Variants in DCLK1 observed in about 807,000 individuals in gnomAD.
DCLK1 encodes the protein doublecortin like kinase 1.
Under a neutral mutation model 86.2 loss-of-function variants are expected in DCLK1, and 16 were observed. That is an observed-to-expected ratio of 0.19 (90% confidence interval 0.13 to 0.28). The LOEUF is 0.28. Among genes scored for constraint, DCLK1 ranks in the 10% least tolerant of loss-of-function variants. The pLI, the probability that DCLK1 is intolerant of heterozygous loss-of-function variation, is 1.00. For missense variants in DCLK1, 590 were observed against 940.2 expected (o/e 0.63, Z 4.87); for synonymous variants, 369 against 370.5 (o/e 1.00, Z 0.05).
chr13:35,961,430 G>T (rs1878455568), intron 3 of DCLK1, among the ~76,000 whole-genome samples: 2 of 152,062 alleles, frequency 1.3e-5, no homozygotes, highest in South Asian at 4.2e-4. Context: ...AATTATTCTG[G>T]TCTAACAGCT....
intron 6 of DCLK1, chr13:35,849,043 C>T: frequency 1.0e-6 from 1 of 985,306 alleles, no homozygotes; most frequent in Middle Eastern, 5.2e-4. Flanking sequence ...CAGTTTGCAG[C>T]TCTTGAATAA....
intron 16 of DCLK1, among the ~76,000 whole-genome samples, chr13:35,789,829 T>C (rs2086681703): frequency 6.6e-6 from 1 of 152,202 alleles, no homozygotes; most frequent in Non-Finnish European, 1.5e-5. Flanking sequence ...TCATCTCTAA[T>C]TCATTTCATG....
chr13:36,011,470 T>C, intron 3 of DCLK1, among the ~76,000 whole-genome samples: 1 of 128,504 alleles, frequency 7.8e-6, no homozygotes, highest in East Asian at 2.3e-4. Context: ...ATTTCTGCCT[T>C]CATTTCGTTA....
intron 3 of DCLK1, among the ~76,000 whole-genome samples, chr13:35,960,756 C>CA (rs1012276670): frequency 7.3e-5 from 11 of 150,618 alleles, no homozygotes; most frequent in African/African-American, 9.7e-5. Context: ...CATGCCTGGC[C>CA]AAAAAAAAAT....
intron 4 of DCLK1, among the ~76,000 whole-genome samples, chr13:35,892,813 A>C (rs921961035): frequency 4.6e-5 from 7 of 151,588 alleles, no homozygotes; most frequent in African/African-American, 1.5e-4. Context: ...CCTGTTAAAC[A>C]CCTCTGGATC....
intron 4 of DCLK1, among the ~76,000 whole-genome samples, chr13:35,920,983 C>T (rs578186260): frequency 2.5e-4 from 38 of 152,276 alleles, no homozygotes; most frequent in African/African-American, 7.2e-4. Context: ...CTGCCCCCCA[C>T]GGCCAACAGC....
At chr13:35,808,890 A>G in intron 13 of DCLK1, 128 bp downstream of exon 13, 3 of 609,324 alleles carry the variant, frequency 4.9e-6, no homozygotes, top group East Asian at 3.0e-5. Flanking sequence ...AAAAAATAAC[A>G]GGGATTGCAA....
intron 3 of DCLK1, among the ~76,000 whole-genome samples, chr13:36,043,533 A>T (rs961676048): frequency 2.6e-4 from 39 of 152,158 alleles, no homozygotes; most frequent in African/African-American, 9.4e-4. Flanking sequence ...TAAAGATTTA[A>T]AGTGCCTAAA....
chr13:35,786,537 G>C (rs2086625556), intron 16 of DCLK1, among the ~76,000 whole-genome samples: 1 of 152,164 alleles, frequency 6.6e-6, no homozygotes, highest in South Asian at 2.1e-4. Context: ...GGGAGCCCCT[G>C]GGGTGCTAGG....
chr13:35,972,031 A>G (rs909975206), intron 3 of DCLK1, among the ~76,000 whole-genome samples: 3 of 152,088 alleles, frequency 2.0e-5, no homozygotes, highest in East Asian at 1.9e-4. Flanking sequence ...TCCTTTTCCA[A>G]CTGCTGACTT....
intron 5 of DCLK1, among the ~76,000 whole-genome samples, chr13:35,858,724 A>G (rs1021611353): frequency 6.6e-6 from 1 of 152,206 alleles, no homozygotes; most frequent in Admixed American, 6.5e-5. Context: ...GCACCAACCT[A>G]ATAAAACCAC....
chr13:35,934,360 C>T lies in DCLK1; in HGVS notation c.823+12998G>A, dbSNP rs147781172. Among the ~76,000 whole-genome samples the T allele has an allele frequency of 1.2e-4, 19 of 152,232 alleles. No homozygotes were observed. The East Asian group carries it at 3.7e-3, about 29-fold the overall frequency. On this transcript the variant is annotated intron_variant, in intron 4 of 16. Transcript: ENST00000360631. The stretch of plus-strand genomic sequence containing the variant: ...TACTGTATTAGTCTGTTTTCATGTG[C>T]TGATGAAGATATACCCGAGACTGGG...
At position 35,984,492 on chromosome 13, in the gene DCLK1, G is replaced by A. The variant is rs147465493; in HGVS notation, c.724-37035C>T. On this transcript the variant is annotated intron_variant, in intron 3 of 16. Coordinates refer to ENST00000360631, the MANE Select transcript of DCLK1 (RefSeq NM_001330071.2). The stretch of plus-strand genomic sequence containing the variant: ...GCAATTCATCTCCTCTCCAGGATGG[G>A]GCTGTTGAGCTGGAGGCAGCAAACT... Among the ~76,000 whole-genome samples, 192 of 152,274 alleles carry A rather than the reference G, an allele frequency of 1.3e-3. 1 individual carries two copies. Among genetic ancestry groups the A allele is most frequent in the African/African-American group, 3.0e-3 (125 of 41,540 alleles).
At chr13:35,858,047 C>A (rs138833980) in intron 5 of DCLK1, among the ~76,000 whole-genome samples, 1 of 152,086 alleles carries the variant, frequency 6.6e-6, no homozygotes, top group African/African-American at 2.4e-5. Flanking sequence ...TTTAAGCAGG[C>A]GCCACAGGAT....
chr13:35,827,856 T>G, intron 9 of DCLK1, 102 bp from the exon 10 acceptor site: 1 of 1,423,332 alleles, frequency 7.0e-7, no homozygotes, highest in Non-Finnish European at 9.5e-7. Context: ...AGAGATGCAT[T>G]TTGGTAAAAT....
At chr13:36,107,908 A>T (rs533019885) in intron 3 of DCLK1, among the ~76,000 whole-genome samples, 54 of 152,278 alleles carry the variant, frequency 3.5e-4, no homozygotes, top group African/African-American at 1.3e-3. Flanking sequence ...AACCCACAGC[A>T]AAGTTCCAAC....
At chr13:35,928,637 T>C (rs533786882) in intron 4 of DCLK1, among the ~76,000 whole-genome samples, 2 of 152,352 alleles carry the variant, frequency 1.3e-5, no homozygotes, top group South Asian at 2.1e-4. Flanking sequence ...GTAAGCTCTA[T>C]GTGGGCAAGA....
At chr13:35,992,234 T>C (rs932890742) in intron 3 of DCLK1, among the ~76,000 whole-genome samples, 2 of 152,196 alleles carry the variant, frequency 1.3e-5, no homozygotes, top group African/African-American at 4.8e-5. Context: ...CAAAGTAGTC[T>C]GAATCCACTT....
At chr13:36,045,370 A>ATC (rs1184419239) in intron 3 of DCLK1, among the ~76,000 whole-genome samples, 6,941 of 133,068 alleles carry the variant, frequency 0.052, 253 homozygotes, top group East Asian at 0.072. Flanking sequence ...ATATATATAT[A>ATC]TATATATTTC....
Sources: allele counts gnomAD v4.1 joint callset (sites outside exome capture counted in the v4.1 genomes callset), GRCh38; gene constraint gnomAD v4.1.1; transcripts MANE v1.5; gene names NCBI Gene and HGNC (gene_info 2026-07-23, HGNC 2026-07-21).